POLG: variants seen among roughly 807,000 people sequenced by gnomAD.
POLG encodes the protein DNA polymerase subunit gamma-1.
In POLG, 110 loss-of-function variants were observed where a neutral mutation model predicts 155.4. That is an observed-to-expected ratio of 0.71 (90% CI 0.61 to 0.83). POLG has a LOEUF of 0.83. Ranked by LOEUF, POLG falls within the 40% of genes least tolerant of loss-of-function variation. The pLI is 0.00. For synonymous variants in POLG, 701 were observed against 631.5 expected (o/e 1.11, Z -1.65); for missense variants, 1,685 against 1,627.5 (o/e 1.04, Z -0.61).
In POLG at chr15:89,318,533, C is replaced by G. The variant is rs756847018; in HGVS notation, c.3482+8G>C. ...ATGGCCAGGCTAGAGGCCATGGGCC[C>G]CGCATACCTGGTCAAGAGGTTGGTG... On this transcript the variant is annotated splice_region_variant and intron_variant, in intron 21 of 22. Coordinates refer to ENST00000268124, the MANE Select transcript of POLG (RefSeq NM_002693.3). 4 of 1,611,946 alleles carry G rather than the reference C, an allele frequency of 2.5e-6. No individual in the cohort carries two copies. In the East Asian group the frequency reaches 8.9e-5, roughly 36 times the overall value.
At position 89,321,167 on chromosome 15, in the gene POLG, T is replaced by C; in HGVS notation, c.2692A>G (p.Ile898Val). The C allele has an allele frequency of 2.5e-6, 4 of 1,614,204 alleles. No individual in the cohort carries two copies. The highest frequency in any genetic ancestry group is 3.4e-6 in the Non-Finnish European group (4 of 1,180,030). Reference protein sequence around the residue: ...GADVDSQELWIAAVLGDAHFA... With the variant: ...GADVDSQELWVAAVLGDAHFA... Reference sequence around the variant, plus strand: ...TGGGCGTCTCCAAGCACAGCTGCAATCCACAGCTCTTGGGAGTCCACATCA... The same window carrying C: ...TGGGCGTCTCCAAGCACAGCTGCAACCCACAGCTCTTGGGAGTCCACATCA... The change falls in exon 17 of 23, where the codon ATT becomes GTT. Residue 898 changes from isoleucine to valine, a missense_variant. Physicochemically the swap from Ile to Val is conservative, Grantham distance 29. This residue lies in a region of POLG where 5 missense variants were observed against 20.5 expected (regional missense o/e 0.24). Coordinates refer to ENST00000268124, the MANE Select transcript of POLG (RefSeq NM_002693.3).
rs745528696 is a variant in POLG, at chr15:89,321,155, G to C, written c.2704C>G (p.Leu902Val). The change falls in exon 17 of 23, where the codon CTT becomes GTT. Residue 902 changes from leucine to valine, a missense_variant. Leu to Val is a conservative substitution (Grantham distance 32). This residue lies in a region of POLG where 5 missense variants were observed against 20.5 expected (regional missense o/e 0.24). Coordinates refer to ENST00000268124, the MANE Select transcript of POLG (RefSeq NM_002693.3). ...DSQELWIAAV[L>V]GDAHFAGMHG... ...ATGCCGGCAAAGTGGGCGTCTCCAA[G>C]CACAGCTGCAATCCACAGCTCTTGG... The C allele has an allele frequency of 5.0e-6, 8 of 1,614,244 alleles. No homozygotes were observed. In the Admixed American group the frequency reaches 1.3e-4, roughly 27 times the overall value.
At position 89,330,064 on chromosome 15, in the gene POLG, G is replaced by A; in HGVS notation, c.855+17C>T. 6.2e-7 allele frequency: 1 copy of A among 1,607,324 alleles called. No individual in the cohort carries two copies. The highest frequency in any genetic ancestry group is 8.5e-7 in the Non-Finnish European group (1 of 1,173,862). ...CCATCCCATGCCAGAACCTGCAGTT[G>A]GCCCCAGGAACCTTACCTGGATCAG... is the stretch of plus-strand genomic sequence containing the variant. On this transcript the variant is annotated intron_variant, in intron 3 of 22. Transcript: ENST00000268124.
chr15:89,333,576 T>TG lies in POLG; in HGVS notation c.178dup (p.Gln60ProfsTer184). On this transcript the variant is annotated frameshift_variant, in exon 2 of 23. Coordinates refer to ENST00000268124, the MANE Select transcript of POLG (RefSeq NM_002693.3). LOFTEE classifies it high-confidence loss of function. ...CTGCCCGCCCTCCGAGGATAGCACT[T>TG]GCGGCTGCTGAGGCTGCTGTTGCTG... 1 of 1,609,940 alleles carries TG rather than the reference T, an allele frequency of 6.2e-7. No individual in the cohort carries two copies. The highest frequency in any genetic ancestry group is 8.5e-7 in the Non-Finnish European group (1 of 1,178,880).
In POLG at chr15:89,325,176, G is replaced by A. The variant is rs1193824148; in HGVS notation, c.1949+274C>T. 9.3e-4 allele frequency among the ~76,000 whole-genome samples: 87 copies of A among 93,156 alleles called. 10 individuals carry two copies. The highest frequency in any genetic ancestry group is 3.9e-3 in the African/African-American group (82 of 21,010). 61.1% of individuals were successfully genotyped at this position (93,156 alleles called of 152,430 possible). ...TGAGTGAGTGAGTGAGTGAGAGAGT[G>A]AGAGAGTGAGTGAGTGAGAGAGTGA... On this transcript the variant is annotated intron_variant, in intron 10 of 22. Transcript: ENST00000268124.
At position 89,333,665 on chromosome 15, in the gene POLG, G is replaced by A; in HGVS notation, c.90C>T (p.Val30=). 1 of 1,561,054 alleles carries A rather than the reference G, an allele frequency of 6.4e-7. No individual in the cohort carries two copies. The change falls in exon 2 of 23, where the codon GTC becomes GTT. Residue 30 remains valine (V), a synonymous_variant. Coordinates refer to ENST00000268124, the MANE Select transcript of POLG (RefSeq NM_002693.3). The stretch of plus-strand genomic sequence containing the variant: ...GCCCGTCGCTGGGGTCGGACGCGGG[G>A]ACGGAGCTGGAGACCCAGCGCCCCG... ...PAPGRWVSSS[V]PASDPSDGQR...
At chr15:89,316,998 G>A in intron 22 of POLG, 171 bp from the exon 23 acceptor site, 2 of 647,320 alleles carry the variant, frequency 3.1e-6, no homozygotes, top group African/African-American at 1.8e-5. Context: ...TTTTATATAA[G>A]TGTGTCTTAG....
chr15:89,322,294 T>C (rs1457783756), intron 14 of POLG, among the ~76,000 whole-genome samples: 2 of 152,250 alleles, frequency 1.3e-5, no homozygotes, highest in East Asian at 3.9e-4. Context: ...CAATGCCTCT[T>C]CCTACACACA....
At chr15:89,324,513 C>T (rs2055444065) in intron 10 of POLG, among the ~76,000 whole-genome samples, 1 of 152,204 alleles carries the variant, frequency 6.6e-6, no homozygotes, top group Non-Finnish European at 1.5e-5. Context: ...AGCACAGCAG[C>T]GGGAGGACAG....
rs1455414077 is a variant in POLG at position 89,325,296 on chromosome 15, GA to G, written c.1949+153del. ...TGAGAGAGAGAGAAAGAGAGAGAGAGAGGGTGTGTGTGTGTGTGTTAATTTT... is the reference window on the plus strand; with the variant it reads ...TGAGAGAGAGAGAAAGAGAGAGAGAGGGGTGTGTGTGTGTGTGTTAATTTT... On this transcript the variant is annotated intron_variant, in intron 10 of 22. Coordinates refer to ENST00000268124, the MANE Select transcript of POLG (RefSeq NM_002693.3). Among the ~76,000 whole-genome samples the G allele has an allele frequency of 2.6e-4, 32 of 124,662 alleles. 7 individuals carry two copies. The highest frequency in any genetic ancestry group is 9.1e-4 in the African/African-American group (31 of 34,006). 81.8% of individuals were successfully genotyped at this position (124,662 alleles called of 152,430 possible).
chr15:89,324,162 T>G lies in POLG; in HGVS notation c.2015A>C (p.Glu672Ala). The change falls in exon 11 of 23, where the codon GAG becomes GCG. Residue 672 changes from glutamate (E) to alanine (A), a missense_variant. Around this residue, in one of 3 missense-constraint regions of POLG, gnomAD observed 1,210 missense variants for 1,167.1 expected, o/e 1.04. Coordinates refer to ENST00000268124, the MANE Select transcript of POLG (RefSeq NM_002693.3). Reference sequence around the variant, plus strand: ...CAGGAACTCCTCCGCCAGGCCGGCCTCCTGGGGCATCAGCTGCTGCTTCCC... The same window carrying G: ...CAGGAACTCCTCCGCCAGGCCGGCCGCCTGGGGCATCAGCTGCTGCTTCCC... ...EQGKQQLMPQ[E>A]AGLAEEFLLT... The G allele has an allele frequency of 6.2e-7, 1 of 1,613,912 alleles. No individual in the cohort carries two copies. The highest frequency in any genetic ancestry group is 1.1e-5 in the South Asian group (1 of 91,086).
chr15:89,332,676 G>A (rs544008932), intron 2 of POLG, among the ~76,000 whole-genome samples: 2 of 151,992 alleles, frequency 1.3e-5, no homozygotes, highest in African/African-American at 4.8e-5. Context: ...TATACTGCCT[G>A]GGACAGTCCC....
In POLG at chr15:89,316,539, A is replaced by C; in HGVS notation, c.*212T>G. ...CAAGCAACAATGCCCCTTGTCCTGT[A>C]GTCCACACCGATGTTGGCATCTTGG... On this transcript the variant is annotated 3_prime_UTR_variant, in exon 23 of 23. Coordinates refer to ENST00000268124, the MANE Select transcript of POLG (RefSeq NM_002693.3). The C allele has an allele frequency of 1.4e-6, 2 of 1,398,970 alleles. No individual in the cohort carries two copies. Among genetic ancestry groups the C allele is most frequent in the Middle Eastern group, 1.8e-4 (1 of 5,692 alleles). The allele number at this position is 1,398,970 out of a possible 1,614,324, so 86.7% of individuals were successfully genotyped here.
chr15:89,319,442 TTTA>T (rs1307063746), intron 18 of POLG, 92 bp from the exon 19 acceptor site: 1 of 1,543,792 alleles, frequency 6.5e-7, no homozygotes, highest in Admixed American at 1.7e-5. Flanking sequence ...CACTTCAACT[TTTA>T]AAAACACTGA....
intron 11 of POLG, 70 bp from the exon 12 acceptor site, chr15:89,323,971 T>C: frequency 1.3e-6 from 2 of 1,538,296 alleles, no homozygotes; most frequent in Middle Eastern, 1.7e-4. Flanking sequence ...AGCCCCTCCC[T>C]GCATGGTACT....
chr15:89,317,245 G>A (rs917582933), intron 22 of POLG, 131 bp downstream of exon 22: 1 of 791,332 alleles, frequency 1.3e-6, no homozygotes, highest in African/African-American at 1.7e-5. Context: ...CTTATAAACT[G>A]AAATTAGCCT....
At position 89,323,460 on chromosome 15, in the gene POLG, C is replaced by T. The variant is rs121918054; in HGVS notation, c.2209G>A (p.Gly737Arg). Residue 737 changes from glycine (G) to arginine (R), a missense_variant, in exon 13 of 23, where the codon GGA becomes AGA. Gly to Arg is a moderately radical substitution (Grantham distance 125, BLOSUM62 -2). Transcript: ENST00000268124. ...DTQPSYHHGNGPYNDVDIPGC... is the reference protein window; with the variant it reads ...DTQPSYHHGNRPYNDVDIPGC... ...GGGATGTCCACGTCGTTGTAAGGTC[C>T]ATTGCCATGGTGATAGCTGGGCTGG... 2.5e-6 allele frequency: 4 copies of T among 1,614,086 alleles called. No individual in the cohort carries two copies. The highest frequency in any genetic ancestry group is 3.4e-6 in the Non-Finnish European group (4 of 1,179,936).
At chr15:89,329,964 G>T in intron 3 of POLG, 117 bp downstream of exon 3, 1 of 885,580 alleles carries the variant, frequency 1.1e-6, no homozygotes, top group Non-Finnish European at 1.9e-6. Flanking sequence ...GCGCCTTGCG[G>T]CTTCAGCAAA....
At position 89,327,348 on chromosome 15, in the gene POLG, A is replaced by G. The variant is rs758112770; in HGVS notation, c.1252T>C (p.Cys418Arg). 58 of 1,612,688 alleles carry G rather than the reference A, an allele frequency of 3.6e-5. No homozygotes were observed. The highest frequency in any genetic ancestry group is 4.7e-5 in the Non-Finnish European group (56 of 1,179,934). ...CCGGCCAGAGTCACTGGGTGGGGAC[A>G]CCTTGGAGGCAAACACCAGGAGCTG... ...QQQLPLFLERCPHPVTLAGML... is the reference protein window; with the variant it reads ...QQQLPLFLERRPHPVTLAGML... Residue 418 changes from cysteine to arginine, a missense_variant and splice_region_variant, in exon 7 of 23, where the codon TGT (cysteine) becomes CGT (arginine). Transcript: ENST00000268124.
Sources: allele counts gnomAD v4.1 joint callset (sites outside exome capture counted in the v4.1 genomes callset), GRCh38; gene constraint gnomAD v4.1.1; regional missense constraint gnomAD v4.1.1; transcripts MANE v1.5; gene names NCBI Gene and HGNC (gene_info 2026-07-23, HGNC 2026-07-21).